SH3D19: variants seen among roughly 807,000 people sequenced by gnomAD.
The protein encoded by SH3D19 is SH3 domain-containing protein 19.
A neutral mutation model predicts 112.1 loss-of-function variants in SH3D19; 58 were observed. The ratio of observed to expected loss-of-function variants is 0.52; its 90% CI spans 0.42 to 0.64. The LOEUF (loss-of-function observed/expected upper bound fraction) is 0.64, where lower values mean the gene tolerates loss of function less well. Ranked by LOEUF, SH3D19 falls within the 30% of genes least tolerant of loss-of-function variation. The probability of loss-of-function intolerance (pLI) is 0.00; values close to 1 mark genes in which losing one functional copy is unlikely to be tolerated. For synonymous variants in SH3D19, 391 were observed against 448.5 expected (o/e 0.87, Z 1.62); for missense variants, 1,090 against 1,263.4 (o/e 0.86, Z 2.08).
intron 19 of SH3D19, among the ~76,000 whole-genome samples, chr4:151,123,748 T>G (rs1748549102): frequency 6.6e-6 from 1 of 152,216 alleles, no homozygotes; most frequent in South Asian, 2.1e-4. Context: ...CTTTATAGTT[T>G]CTAAACATTT....
intron 1 of SH3D19, among the ~76,000 whole-genome samples, chr4:151,304,965 A>G (rs574551780): frequency 8.0e-4 from 121 of 152,182 alleles, no homozygotes; most frequent in Non-Finnish European, 1.1e-3. Context: ...GGCATAAAAC[A>G]AAACAAAACA....
intron 2 of SH3D19, among the ~76,000 whole-genome samples, chr4:151,213,235 C>A (rs749273739): frequency 1.6e-4 from 24 of 152,142 alleles, no homozygotes; most frequent in Non-Finnish European, 3.2e-4. Flanking sequence ...AGGATTGGCT[C>A]CAATTTTGAA....
intron 1 of SH3D19, among the ~76,000 whole-genome samples, chr4:151,276,707 A>C (rs931900322): frequency 2.6e-5 from 4 of 152,248 alleles, no homozygotes; most frequent in Non-Finnish European, 5.9e-5. Flanking sequence ...TCTGTTTCCC[A>C]GGAAACTTGA....
intron 1 of SH3D19, among the ~76,000 whole-genome samples, chr4:151,232,242 C>T (rs1053977783): frequency 3.9e-5 from 6 of 152,144 alleles, no homozygotes; most frequent in African/African-American, 1.2e-4. Flanking sequence ...TTTCTCCTTC[C>T]CATCCCCACT....
chr4:151,311,683 T>G (rs1056348295), intron 1 of SH3D19, among the ~76,000 whole-genome samples: 4 of 151,942 alleles, frequency 2.6e-5, no homozygotes, highest in Non-Finnish European at 5.9e-5. Context: ...TACAAAAAAT[T>G]TTTTAAAAGA....
intron 1 of SH3D19, among the ~76,000 whole-genome samples, chr4:151,232,819 C>T (rs1580287481): frequency 6.6e-6 from 1 of 152,084 alleles, no homozygotes; most frequent in Non-Finnish European, 1.5e-5. Flanking sequence ...TGCTGCTGTA[C>T]CAAATTACCA....
chr4:151,320,899 G>A (rs1251877966), intron 1 of SH3D19, among the ~76,000 whole-genome samples: 1 of 152,002 alleles, frequency 6.6e-6, no homozygotes, highest in East Asian at 1.9e-4. Context: ...AATTAGCTGG[G>A]CATGGTGGCA....
At position 151,175,092 on chromosome 4, in the gene SH3D19, T is replaced by G. The variant is rs759754414; in HGVS notation, c.1112A>C (p.Gln371Pro). 8.1e-6 allele frequency: 13 copies of G among 1,614,172 alleles called. No individual in the cohort carries two copies. The East Asian group carries it at 2.5e-4, about 30-fold the overall frequency. ...GGTTACTGGGATGCTTCCCGCTTCT[T>G]GCAGGGGAGGGTATGGGGTGAGTCC... ...KEGLTPYPPL[Q>P]EAGSIPVTKP... Residue 371 changes from glutamine to proline, a missense_variant, in exon 7 of 20, where the codon CAA (glutamine) becomes CCA (proline). Gln to Pro is a moderately conservative substitution (Grantham distance 76). Coordinates refer to ENST00000604030, the MANE Select transcript of SH3D19 (RefSeq NM_001378122.1).
At chr4:151,213,414 G>A (rs1340884412) in intron 2 of SH3D19, among the ~76,000 whole-genome samples, 1 of 152,130 alleles carries the variant, frequency 6.6e-6, no homozygotes, top group Admixed American at 6.5e-5. Context: ...GGAGGTAGAG[G>A]TGGGTAGATA....
intron 2 of SH3D19, among the ~76,000 whole-genome samples, chr4:151,200,220 A>T (rs1764197710): frequency 6.6e-6 from 1 of 151,516 alleles, no homozygotes; most frequent in South Asian, 2.1e-4. Context: ...GGACTAACAC[A>T]TACATACATA....
Position 151,254,118 on chromosome 4 carries a change from G to A in SH3D19, c.113-28032C>T, listed in dbSNP as rs557183622. On this transcript the variant is annotated intron_variant, in intron 1 of 19. Transcript: ENST00000604030. ...ATCTATAAAGGGAATGAAAACATGC[G>A]TTACCCTCTGTGTGAATGAAAATGT... is the stretch of plus-strand genomic sequence containing the variant. Among the ~76,000 whole-genome samples the A allele has an allele frequency of 4.6e-5, 7 of 152,238 alleles. No individual in the cohort carries two copies. In the South Asian group the frequency reaches 8.3e-4, roughly 18 times the overall value.
chr4:151,143,539 T>C (rs1371288470), intron 12 of SH3D19, among the ~76,000 whole-genome samples: 2 of 152,120 alleles, frequency 1.3e-5, no homozygotes, highest in East Asian at 1.9e-4. Flanking sequence ...GAAGAAAAAA[T>C]GGGAAAAGAT....
At chr4:151,324,680 G>C (rs1180622215) in intron 1 of SH3D19, among the ~76,000 whole-genome samples, 1 of 151,636 alleles carries the variant, frequency 6.6e-6, no homozygotes, top group African/African-American at 2.4e-5. Flanking sequence ...ATGGCCTTTT[G>C]GAATGCTATA....
intron 2 of SH3D19, among the ~76,000 whole-genome samples, chr4:151,204,890 G>A (rs530270001): frequency 1.3e-5 from 2 of 151,192 alleles, no homozygotes; most frequent in East Asian, 1.9e-4. Flanking sequence ...GTGTGATCTC[G>A]GCTCACTGCA....
At chr4:151,320,285 AG>A (rs1466874448) in intron 1 of SH3D19, among the ~76,000 whole-genome samples, 1 of 152,204 alleles carries the variant, frequency 6.6e-6, no homozygotes, top group Non-Finnish European at 1.5e-5. Context: ...TGTTGGGAGG[AG>A]GATCCAGAAT....
rs190503506 is a variant in SH3D19, at chr4:151,275,650, A to G, written c.113-49564T>C. 3.8e-3 allele frequency among the ~76,000 whole-genome samples: 571 copies of G among 152,136 alleles called. 1 individual carries two copies. The highest frequency in any genetic ancestry group is 0.01 in the Middle Eastern group (3 of 294). ...ATCCTCCTGCCTCAGCCTCCCGAGT[A>G]GCTGGGGACTTCAGGTGCACATCAC... is the stretch of plus-strand genomic sequence containing the variant. On this transcript the variant is annotated intron_variant, in intron 1 of 19. Transcript: ENST00000604030.
At chr4:151,159,145 T>G (rs1756698497) in intron 9 of SH3D19, 95 bp downstream of exon 9, 1 of 652,680 alleles carries the variant, frequency 1.5e-6, no homozygotes, top group African/African-American at 1.9e-5. Flanking sequence ...GTTTTTAATC[T>G]GACCAGTAAT....
At chr4:151,234,098 T>C (rs1174916463) in intron 1 of SH3D19, among the ~76,000 whole-genome samples, 1 of 152,224 alleles carries the variant, frequency 6.6e-6, no homozygotes, top group Admixed American at 6.5e-5. Flanking sequence ...TGGTGTCAAC[T>C]TTCTCCTAAA....
intron 4 of SH3D19, 21 bp downstream of exon 4, chr4:151,179,334 C>G (rs1227881440): frequency 8.3e-7 from 1 of 1,205,822 alleles, no homozygotes; most frequent in Non-Finnish European, 1.0e-6. Flanking sequence ...TATATGTCCT[C>G]CATTATAAAT....
Sources: allele counts gnomAD v4.1 joint callset (sites outside exome capture counted in the v4.1 genomes callset), GRCh38; gene constraint gnomAD v4.1.1; transcripts MANE v1.5; gene names NCBI Gene and HGNC (gene_info 2026-07-23, HGNC 2026-07-21).